The following DZIP1L variants were observed in gnomAD, a reference collection of about 807,000 sequenced individuals.
The protein encoded by DZIP1L is DAZ interacting zinc finger protein 1 like.
A neutral mutation model predicts 88.7 loss-of-function variants in DZIP1L; 90 were observed. The observed-to-expected ratio is 1.02, with a 90% CI of 0.86 to 1.21. The LOEUF is 1.21. DZIP1L is among the 50% of genes most tolerant of loss of function. The pLI, the probability that DZIP1L is intolerant of heterozygous loss-of-function variation, is 0.00. For synonymous variants in DZIP1L, 363 were observed against 372.1 expected (o/e 0.98, Z 0.28); for missense variants, 932 against 955.8 (o/e 0.98, Z 0.33).
intron 5 of DZIP1L, among the ~76,000 whole-genome samples, chr3:138,091,112 GGCCTCC>G (rs1944200945): frequency 6.6e-6 from 1 of 151,656 alleles, no homozygotes; most frequent in South Asian, 2.1e-4. Context: ...CACCCACCTT[GGCCTCC>G]CAAAGTGCTG....
rs202084004 is a variant in DZIP1L at position 138,086,267 on chromosome 3, TA to T, written c.1062+693del. Among the ~76,000 whole-genome samples the T allele has an allele frequency of 4.9e-3, 659 of 134,618 alleles. 3 individuals are homozygous for T. The highest frequency in any genetic ancestry group is 0.029 in the East Asian group (138 of 4,744). The allele number at this position is 134,618 out of a possible 152,430, so 88.3% of individuals were successfully genotyped here. On this transcript the variant is annotated intron_variant, in intron 7 of 15. Transcript: ENST00000327532. ...AAACTTAAAGTATAATAATAATAAT[TA>T]AAAAAAAAAAAAAGAAAATGCTTCA...
chr3:138,099,124 G>A (rs1944610438), intron 2 of DZIP1L, among the ~76,000 whole-genome samples: 1 of 152,132 alleles, frequency 6.6e-6, no homozygotes, highest in African/African-American at 2.4e-5. Flanking sequence ...GTGAGACCCT[G>A]TCTCAAAAAA....
intron 10 of DZIP1L, among the ~76,000 whole-genome samples, chr3:138,079,039 C>T (rs951137967): frequency 1.3e-5 from 2 of 152,216 alleles, no homozygotes; most frequent in Non-Finnish European, 1.5e-5. Flanking sequence ...AGAGTTTCTG[C>T]TTCAGTTTGT....
chr3:138,104,055 G>T lies in DZIP1L; in HGVS notation c.-81-3C>A. 6.6e-7 allele frequency: 1 copy of T among 1,517,522 alleles called. No individual in the cohort carries two copies. The allele number at this position is 1,517,522 out of a possible 1,614,324, so 94.0% of individuals were successfully genotyped here. ...AGGCCAAGGAGCTGAGAGAAGGCCT[G>T]GAAAATAAGAAGAGAGTCCAAGTTA... is the stretch of plus-strand genomic sequence containing the variant. On this transcript the variant is annotated splice_region_variant and splice_polypyrimidine_tract_variant and intron_variant, in intron 1 of 15. Coordinates refer to ENST00000327532, the MANE Select transcript of DZIP1L (RefSeq NM_173543.3).
chr3:138,108,464 C>T (rs1170899219), intron 1 of DZIP1L, among the ~76,000 whole-genome samples: 1 of 152,136 alleles, frequency 6.6e-6, no homozygotes, highest in African/African-American at 2.4e-5. Flanking sequence ...CTCATCTCTC[C>T]TCCTACCTTT....
intron 2 of DZIP1L, chr3:138,101,883 G>T: frequency 7.0e-7 from 1 of 1,419,422 alleles, no homozygotes. Flanking sequence ...ACAGCTTGGC[G>T]TTGGCATCCT....
At chr3:138,113,178 C>T (rs1325473375) in intron 1 of DZIP1L, among the ~76,000 whole-genome samples, 2 of 152,166 alleles carry the variant, frequency 1.3e-5, no homozygotes, top group Non-Finnish European at 2.9e-5. Flanking sequence ...AACCCATCTA[C>T]CACCCTTGCT....
chr3:138,101,769 G>A (rs553115132), intron 2 of DZIP1L: 47 of 1,055,272 alleles, frequency 4.5e-5, no homozygotes, highest in Non-Finnish European at 5.7e-5. Context: ...TATAGGTGGC[G>A]ATCTTGATGT....
chr3:138,068,405 C>G, intron 12 of DZIP1L, 38 bp from the exon 13 acceptor site: 1 of 1,423,234 alleles, frequency 7.0e-7, no homozygotes, highest in Non-Finnish European at 9.3e-7. Context: ...GGAGTACACC[C>G]ATGCTGGATC....
chr3:138,089,354 CT>C, intron 5 of DZIP1L: 1 of 774,386 alleles, frequency 1.3e-6, no homozygotes, highest in Non-Finnish European at 1.6e-6. Flanking sequence ...CCATATGCTG[CT>C]TATGACACAC....
At chr3:138,095,860 A>G (rs141770692) in intron 3 of DZIP1L, among the ~76,000 whole-genome samples, 2 of 152,304 alleles carry the variant, frequency 1.3e-5, no homozygotes, top group East Asian at 3.9e-4. Context: ...TTAAGTGTAT[A>G]ATTTAAATTG....
chr3:138,096,071 G>C (rs1283595469), intron 3 of DZIP1L, among the ~76,000 whole-genome samples: 1 of 152,062 alleles, frequency 6.6e-6, no homozygotes, highest in African/African-American at 2.4e-5. Context: ...AAAGAGATGT[G>C]GCGTTTCTCA....
At chr3:138,077,460 G>GT in intron 11 of DZIP1L, 39 bp downstream of exon 11, 2 of 1,610,214 alleles carry the variant, frequency 1.2e-6, no homozygotes, top group Non-Finnish European at 1.7e-6. Flanking sequence ...TGTCTAAATC[G>GT]TAGGTATCAG....
Position 138,103,884 on chromosome 3 carries a change from G to A in DZIP1L, c.88C>T (p.His30Tyr), listed in dbSNP as rs771733113. 23 of 1,613,866 alleles carry A rather than the reference G, an allele frequency of 1.4e-5. No individual in the cohort carries two copies. ...ATGCGTCTCCAGTCCATGCTATCAT[G>A]GCGAGGCTGAAACTTGAAGGTGGGG... ...TFPTFKFQPR[H>Y]DSMDWRRIST... is the part of the protein sequence containing the mutation. Residue 30 changes from histidine (H) to tyrosine (Y), a missense_variant, in exon 2 of 16, where the codon CAT becomes TAT. Transcript: ENST00000327532.
chr3:138,066,461 C>T (rs974679784), intron 14 of DZIP1L, among the ~76,000 whole-genome samples: 8 of 152,174 alleles, frequency 5.3e-5, no homozygotes, highest in Admixed American at 5.2e-4. Context: ...AATAAATAAA[C>T]AGTGACTCTA....
chr3:138,072,842 C>T (rs987152268), intron 11 of DZIP1L, among the ~76,000 whole-genome samples: 1 of 152,164 alleles, frequency 6.6e-6, no homozygotes, highest in Non-Finnish European at 1.5e-5. Flanking sequence ...GCGAGTGAGA[C>T]CGGACTTTAG....
chr3:138,070,325 T>C (rs879342763), intron 12 of DZIP1L, among the ~76,000 whole-genome samples: 1 of 152,206 alleles, frequency 6.6e-6, no homozygotes, highest in Non-Finnish European at 1.5e-5. Context: ...AGGATATACG[T>C]TTAAATTGGA....
chr3:138,068,905 G>A (rs576966368), intron 12 of DZIP1L: 3 of 1,255,082 alleles, frequency 2.4e-6, no homozygotes, highest in South Asian at 3.2e-5. Flanking sequence ...ATAGCCACAA[G>A]AGCGGTCCCG....
Position 138,064,633 on chromosome 3 carries a change from G to C in DZIP1L, c.2137C>G (p.Pro713Ala). 6.2e-7 allele frequency: 1 copy of C among 1,614,170 alleles called. No individual in the cohort carries two copies. Among genetic ancestry groups the C allele is most frequent in the Non-Finnish European group, 8.5e-7 (1 of 1,180,036 alleles). The change falls in exon 15 of 16, where the codon CCT becomes GCT. Residue 713 changes from proline (P) to alanine (A), a missense_variant. Transcript: ENST00000327532. ...PQRAATPGRKPQLSEDESDLE... is the reference protein window; with the variant it reads ...PQRAATPGRKAQLSEDESDLE... ...CTAAGCATCCTACATCCTACCTGAGGCTTCCTTCCTGGTGTGGCAGCCCTC... is the reference window on the plus strand; with the variant it reads ...CTAAGCATCCTACATCCTACCTGAGCCTTCCTTCCTGGTGTGGCAGCCCTC...
Sources: allele counts gnomAD v4.1 joint callset (sites outside exome capture counted in the v4.1 genomes callset), GRCh38; gene constraint gnomAD v4.1.1; transcripts MANE v1.5; gene names NCBI Gene and HGNC (gene_info 2026-07-23, HGNC 2026-07-21).